Variants in CACNA1C observed in about 807,000 individuals in gnomAD.
CACNA1C encodes the protein voltage-dependent L-type calcium channel subunit alpha-1C.
CACNA1C carries 30 observed loss-of-function variants against 229.0 expected under a neutral mutation model. The ratio of observed to expected loss-of-function variants is 0.13; its 90% confidence interval spans 0.10 to 0.18. The LOEUF is 0.18. Ranked by LOEUF, CACNA1C falls within the 10% of genes least tolerant of loss-of-function variation. The pLI is 1.00. For synonymous variants in CACNA1C, 1,114 were observed against 1,132.5 expected, an observed-to-expected ratio of 0.98 and a Z score of 0.33; for missense variants, 1,658 against 2,845.0, an observed-to-expected ratio of 0.58 and a Z score of 9.49.
chr12:2,194,265 T>G (rs1168815694), intron 3 of CACNA1C, among the ~76,000 whole-genome samples: 2 of 146,786 alleles, frequency 1.4e-5, no homozygotes, highest in African/African-American at 2.5e-5. Flanking sequence ...CTCCTCCTCC[T>G]CCTCCTCCTC....
At chr12:2,022,094 T>C (rs987252477) in intron 1 of CACNA1C, among the ~76,000 whole-genome samples, 1 of 152,228 alleles carries the variant, frequency 6.6e-6, no homozygotes, top group African/African-American at 2.4e-5. Flanking sequence ...ATGGGTTTTC[T>C]TAGCCTTTCC....
At chr12:2,562,843 C>A (rs1413960371) in intron 11 of CACNA1C, among the ~76,000 whole-genome samples, 1 of 152,294 alleles carries the variant, frequency 6.6e-6, no homozygotes, top group Middle Eastern at 3.4e-3. Flanking sequence ...TCAGGGTGTT[C>A]CTCACATCAA....
At chr12:2,438,739 C>A (rs1476898260) in intron 3 of CACNA1C, among the ~76,000 whole-genome samples, 1 of 151,950 alleles carries the variant, frequency 6.6e-6, no homozygotes, top group Non-Finnish European at 1.5e-5. Context: ...CAGTAAAACT[C>A]CCTAGGTGTC....
Position 2,688,802 on chromosome 12 carries a change from G to A in CACNA1C, c.6117+23G>A, listed in dbSNP as rs536400035. 4.1e-4 allele frequency: 602 copies of A among 1,466,922 alleles called. 3 individuals carry two copies. Among genetic ancestry groups the A allele is most frequent in the South Asian group, 4.3e-4 (31 of 72,290 alleles). The allele number at this position is 1,466,922 out of a possible 1,614,324, so 90.9% of individuals were successfully genotyped here. ...GCGGTAGGTGACTCGCAGATGGGCA[G>A]GGGGGAGAGGCCACGGGCAACAAGG... is the stretch of plus-strand genomic sequence containing the variant. On this transcript the variant is annotated intron_variant, in intron 46 of 46. Transcript: ENST00000399655.
chr12:2,590,791 T>C (rs2064939679), intron 18 of CACNA1C, among the ~76,000 whole-genome samples: 1 of 152,182 alleles, frequency 6.6e-6, no homozygotes, highest in African/African-American at 2.4e-5. Flanking sequence ...ATGATTAAAA[T>C]AAGCATAAAA....
intron 3 of CACNA1C, among the ~76,000 whole-genome samples, chr12:2,185,494 A>T (rs2096970024): frequency 2.0e-5 from 3 of 152,232 alleles, no homozygotes; most frequent in Admixed American, 2.0e-4. Flanking sequence ...TAAAGAGGTG[A>T]TTAAGTTAGC....
intron 3 of CACNA1C, among the ~76,000 whole-genome samples, chr12:2,211,342 C>G (rs1402027616): frequency 6.6e-6 from 1 of 152,214 alleles, no homozygotes; most frequent in Non-Finnish European, 1.5e-5. Flanking sequence ...GTGAGAACGT[C>G]AGGTTTTGTG....
chr12:2,308,061 G>A (rs2095184773), intron 3 of CACNA1C, among the ~76,000 whole-genome samples: 1 of 152,208 alleles, frequency 6.6e-6, no homozygotes. Flanking sequence ...TACACTTGGA[G>A]AAATACTGAC....
chr12:2,180,850 G>A (rs983212574), intron 3 of CACNA1C, among the ~76,000 whole-genome samples: 2 of 152,196 alleles, frequency 1.3e-5, no homozygotes, highest in Non-Finnish European at 2.9e-5. Context: ...CCTAGTGTGT[G>A]TCTGGCACAG....
At chr12:2,068,817 T>C (rs2060266013) in intron 1 of CACNA1C, among the ~76,000 whole-genome samples, 1 of 152,222 alleles carries the variant, frequency 6.6e-6, no homozygotes, top group East Asian at 1.9e-4. Flanking sequence ...AGGGCAGCGC[T>C]GACCCCAGCT....
chr12:1,972,760 C>G (rs1287613711), intron 1 of CACNA1C, among the ~76,000 whole-genome samples: 1 of 148,444 alleles, frequency 6.7e-6, no homozygotes, highest in African/African-American at 2.5e-5. Flanking sequence ...CTTTTTAAAC[C>G]AAAGTTCATA....
intron 30 of CACNA1C, among the ~76,000 whole-genome samples, chr12:2,644,097 T>C (rs573045132): frequency 6.6e-6 from 1 of 152,362 alleles, no homozygotes; most frequent in East Asian, 1.9e-4. Flanking sequence ...GCAAGGGTTC[T>C]GTAGCAGGAC....
In CACNA1C at chr12:2,585,036, G is replaced by GA. The variant is rs1227528440; in HGVS notation, c.2340-339dup. Among the ~76,000 whole-genome samples, 2 of 152,154 alleles carry GA rather than the reference G, an allele frequency of 1.3e-5. No individual in the cohort carries two copies. The highest frequency in any genetic ancestry group is 2.9e-5 in the Non-Finnish European group (2 of 68,028). ...CTATGTTGTATCCTATCATTATCTAGACGGGACAGTTCCAGGCCACACAGC... is the reference window on the plus strand; with the variant it reads ...CTATGTTGTATCCTATCATTATCTAGAACGGGACAGTTCCAGGCCACACAGC... On this transcript the variant is annotated intron_variant, in intron 16 of 46. Transcript: ENST00000399655. The surrounding 1 kb of genome is among the most constrained non-coding windows in gnomAD (Gnocchi z 4.1).
chr12:2,673,105 T>C (rs1341113395), intron 38 of CACNA1C, among the ~76,000 whole-genome samples: 4 of 152,218 alleles, frequency 2.6e-5, no homozygotes, highest in African/African-American at 9.6e-5. Flanking sequence ...CTGCCGGTCC[T>C]ATGCGAGAGC....
rs1442966394 is a variant in CACNA1C at position 2,101,448 on chromosome 12, C to G, written c.50-13776C>G. ...GAGGGGTTAGGGGCTCAACCTCCCC[C>G]TCCCAGGTGGGGCTGTGGGAGCTAC... On this transcript the variant is annotated intron_variant, in intron 1 of 46. Transcript: ENST00000399655. Among the ~76,000 whole-genome samples, 5 of 152,252 alleles carry G rather than the reference C, an allele frequency of 3.3e-5. No homozygotes were observed. In the East Asian group the frequency reaches 5.8e-4, roughly 18 times the overall value.
rs546785032 is a variant in CACNA1C, at chr12:2,645,046, G to A, written c.3913-3429G>A. Among the ~76,000 whole-genome samples the A allele has an allele frequency of 5.9e-5, 9 of 152,232 alleles. No homozygotes were observed. The South Asian group carries it at 1.9e-3, about 32-fold the overall frequency. On this transcript the variant is annotated intron_variant, in intron 30 of 46. Transcript: ENST00000399655. ...TATATCAATTACGTGAACAAATTAA[G>A]TTAATTGCCCCAATATCATGAAATC... is the stretch of plus-strand genomic sequence containing the variant.
At chr12:2,018,861 G>C (rs780741813) in intron 1 of CACNA1C, among the ~76,000 whole-genome samples, 1 of 152,170 alleles carries the variant, frequency 6.6e-6, no homozygotes, top group Non-Finnish European at 1.5e-5. Context: ...GATAACATTG[G>C]ATTTTCTTTC....
At chr12:2,211,892 T>C (rs113607099) in intron 3 of CACNA1C, among the ~76,000 whole-genome samples, 3 of 151,934 alleles carry the variant, frequency 2.0e-5, no homozygotes, top group Non-Finnish European at 4.4e-5. Context: ...CTAATTTTTT[T>C]GTATTTTTAG....
chr12:2,503,767 T>TA (rs1213337371), intron 7 of CACNA1C, among the ~76,000 whole-genome samples: 2 of 152,218 alleles, frequency 1.3e-5, no homozygotes, highest in African/African-American at 4.8e-5. Context: ...ATTCAGTAGT[T>TA]ACAGTCAGTT....
Sources: allele counts gnomAD v4.1 joint callset (sites outside exome capture counted in the v4.1 genomes callset), GRCh38; gene constraint gnomAD v4.1.1; non-coding constraint Gnocchi (gnomAD v3.1); transcripts MANE v1.5; gene names NCBI Gene and HGNC (gene_info 2026-07-23, HGNC 2026-07-21).